Variants in IGDCC4 observed in about 807,000 individuals in gnomAD.
IGDCC4 encodes the protein likely ortholog of mouse neighbor of Punc E11.
Under a neutral mutation model 116.6 loss-of-function variants are expected in IGDCC4, and 72 were observed. The ratio of observed to expected loss-of-function variants is 0.62; its 90% CI spans 0.51 to 0.75. The LOEUF is 0.75. Among genes scored for constraint, IGDCC4 ranks in the 30% least tolerant of loss-of-function variants. The pLI, the probability that IGDCC4 is intolerant of heterozygous loss-of-function variation, is 0.00. For synonymous variants in IGDCC4, 709 were observed against 719.9 expected (o/e 0.98, Z 0.24); for missense variants, 1,501 against 1,662.4 (o/e 0.90, Z 1.69).
chr15:65,384,174 T>G lies in IGDCC4; in HGVS notation c.3588A>C (p.Arg1196Ser). 6.2e-7 allele frequency: 1 copy of G among 1,613,506 alleles called. No homozygotes were observed. The highest frequency in any genetic ancestry group is 1.1e-5 in the South Asian group (1 of 91,028). ...TGGCTGCCTCTGGCAAGCAGGTAAG[T>G]CTGTCTGGCCCGGGGGCTGCCAGCT... ...GCELAAPGPDRLTCLPEAASA... is the reference protein window; with the variant it reads ...GCELAAPGPDSLTCLPEAASA... Residue 1196 changes from arginine to serine, a missense_variant, in exon 20 of 20, where the codon AGA becomes AGC. This residue lies in a region of IGDCC4 where 368 missense variants were observed against 355.6 expected (regional missense o/e 1.03). Transcript: ENST00000352385. The surrounding 1 kb of genome is among the most constrained non-coding windows in gnomAD (Gnocchi z 4.9).
In IGDCC4 at chr15:65,392,147, CTCATACTGCT is replaced by C; in HGVS notation, c.2099_2108del (p.Lys700SerfsTer2). 1 of 1,610,144 alleles carries C rather than the reference CTCATACTGCT, an allele frequency of 6.2e-7. No individual in the cohort carries two copies. The highest frequency in any genetic ancestry group is 8.5e-7 in the Non-Finnish European group (1 of 1,178,136). On this transcript the variant is annotated frameshift_variant, in exon 11 of 20. Coordinates refer to ENST00000352385, the MANE Select transcript of IGDCC4 (RefSeq NM_020962.3). LOFTEE classifies it high-confidence loss of function. ...AGCCCTCCTCACCTAGCTGGGTCAG[CTCATACTGCT>C]TCACTTTCTTCTTGAGCCGGACAGG...
rs1245820199 is a variant in IGDCC4, at chr15:65,410,447, C to A, written c.422-128G>T. 9 of 1,064,112 alleles carry A rather than the reference C, an allele frequency of 8.5e-6. No homozygotes were observed. In the East Asian group the frequency reaches 1.8e-4, roughly 21 times the overall value. The allele number at this position is 1,064,112 out of a possible 1,614,324, so 65.9% of individuals were successfully genotyped here. On this transcript the variant is annotated intron_variant, in intron 2 of 19. Coordinates refer to ENST00000352385, the MANE Select transcript of IGDCC4 (RefSeq NM_020962.3). Reference sequence around the variant, plus strand: ...ACAGTCACAGAAACACACAGCAGAGCCAATTCAGACCGAGGGAGACACAAC... The same window carrying A: ...ACAGTCACAGAAACACACAGCAGAGACAATTCAGACCGAGGGAGACACAAC...
rs1172647887 is a variant in IGDCC4, at chr15:65,384,139, C to T, written c.3623G>A (p.Cys1208Tyr). The T allele has an allele frequency of 5.6e-6, 9 of 1,613,508 alleles. No homozygotes were observed. The highest frequency in any genetic ancestry group is 5.9e-6 in the Non-Finnish European group (7 of 1,179,828). Residue 1208 changes from cysteine (C) to tyrosine (Y), a missense_variant, in exon 20 of 20, where the codon TGC becomes TAC. Around this residue, in one of 3 missense-constraint regions of IGDCC4, gnomAD observed 368 missense variants for 355.6 expected, o/e 1.03. Transcript: ENST00000352385. The surrounding 1 kb of genome is among the most constrained non-coding windows in gnomAD (Gnocchi z 4.9). ...TCLPEAASAS[C>Y]SYPDLQPGEV... ...GCCTGGCTGGAGGTCCGGGTAGGAG[C>T]AGGAAGCACTGGCTGCCTCTGGCAA...
intron 3 of IGDCC4, among the ~76,000 whole-genome samples, chr15:65,406,220 AG>A (rs1210939187): frequency 2.6e-5 from 4 of 152,238 alleles, no homozygotes; most frequent in Admixed American, 1.3e-4. Context: ...ATTTATGGCA[AG>A]TGTTGCTGGT....
chr15:65,389,271 G>A lies in IGDCC4; in HGVS notation c.2536+13C>T. On this transcript the variant is annotated intron_variant, in intron 14 of 19. Coordinates refer to ENST00000352385, the MANE Select transcript of IGDCC4 (RefSeq NM_020962.3). ...AAAGATGGGTTGGTGGCAAGGGGCT[G>A]GGAGCCACTCACGGTCAGGCAGGGT... The A allele has an allele frequency of 6.2e-7, 1 of 1,611,354 alleles. No individual in the cohort carries two copies. The highest frequency in any genetic ancestry group is 1.7e-4 in the Middle Eastern group (1 of 5,770).
intron 1 of IGDCC4, among the ~76,000 whole-genome samples, chr15:65,415,944 C>T (rs940089176): frequency 6.6e-6 from 1 of 152,074 alleles, no homozygotes; most frequent in Non-Finnish European, 1.5e-5. Flanking sequence ...CAAGCCTGGC[C>T]TCAGAGTCCT....
intron 1 of IGDCC4, among the ~76,000 whole-genome samples, chr15:65,413,024 ATGTGTGTGTGTGTGTG>A (rs59690408): frequency 4.8e-5 from 7 of 145,966 alleles, no homozygotes; most frequent in Non-Finnish European, 1.1e-4. Context: ...GTGTGAGAAA[ATGTGTGTGTGTGTGTG>A]TGTGTGTGTG....
intron 5 of IGDCC4, among the ~76,000 whole-genome samples, chr15:65,399,327 G>A (rs953640318): frequency 1.4e-4 from 21 of 151,780 alleles, no homozygotes; most frequent in East Asian, 3.9e-4. Flanking sequence ...CAGGCATAGC[G>A]GCACATGCCT....
At chr15:65,395,605 C>A in intron 7 of IGDCC4, 145 bp downstream of exon 7, 1 of 848,158 alleles carries the variant, frequency 1.2e-6, no homozygotes, top group African/African-American at 1.7e-5. Context: ...CATACTTATG[C>A]GGGTCTCTCC....
At chr15:65,421,651 A>T (rs2063191683) in intron 1 of IGDCC4, among the ~76,000 whole-genome samples, 1 of 150,256 alleles carries the variant, frequency 6.7e-6, no homozygotes. Context: ...GGAAAGCCGC[A>T]GCAGCTGGAG....
At position 65,389,469 on chromosome 15, in the gene IGDCC4, C is replaced by A. The variant is rs979937728; in HGVS notation, c.2409-58G>T. The A allele has an allele frequency of 6.8e-6, 11 of 1,612,122 alleles. No homozygotes were observed. The Admixed American group carries it at 1.7e-4, about 24-fold the overall frequency. On this transcript the variant is annotated intron_variant, in intron 13 of 19. Transcript: ENST00000352385. The stretch of plus-strand genomic sequence containing the variant: ...AGGCACACTCTCCCAGCAGGGCAGA[C>A]TCCTCCAAATCTACTCCCCTGCAGT...
At chr15:65,402,273 C>G in intron 4 of IGDCC4, 78 bp downstream of exon 4, 1 of 1,492,348 alleles carries the variant, frequency 6.7e-7, no homozygotes. Context: ...AAGGCCTGGA[C>G]CCCTTGAGGT....
chr15:65,410,473 A>C (rs2063080712), intron 2 of IGDCC4, 154 bp from the exon 3 acceptor site: 9 of 839,412 alleles, frequency 1.1e-5, no homozygotes, highest in Non-Finnish European at 1.1e-5. Flanking sequence ...GAGACACAAC[A>C]AGAAGTGGTG....
At chr15:65,411,853 TA>T (rs1161858011) in intron 1 of IGDCC4, among the ~76,000 whole-genome samples, 1 of 152,220 alleles carries the variant, frequency 6.6e-6, no homozygotes, top group Non-Finnish European at 1.5e-5. Flanking sequence ...GAGTGACTGC[TA>T]ATGAGTACAG....
At position 65,384,327 on chromosome 15, in the gene IGDCC4, G is replaced by C; in HGVS notation, c.3435C>G (p.Asn1145Lys). The C allele has an allele frequency of 6.2e-7, 1 of 1,603,268 alleles. No homozygotes were observed. The highest frequency in any genetic ancestry group is 8.5e-7 in the Non-Finnish European group (1 of 1,174,828). ...VHSDFSASNG[N>K]PDLHLQDLEP... ...CCAGGTCTTGGAGATGGAGGTCAGG[G>C]TTCCCGTTAGATGCACTAAAGTCAG... Residue 1145 changes from asparagine (N) to lysine (K), a missense_variant, in exon 20 of 20, where the codon AAC becomes AAG. Asn to Lys is a moderately conservative substitution (Grantham distance 94, BLOSUM62 0). Coordinates refer to ENST00000352385, the MANE Select transcript of IGDCC4 (RefSeq NM_020962.3). This position sits in a 1 kb window ranked among gnomAD's most constrained non-coding sequence, Gnocchi z 4.9.
In IGDCC4 at chr15:65,393,629, C is replaced by T. The variant is rs1244565006; in HGVS notation, c.1715-98G>A. The T allele has an allele frequency of 1.4e-5, 19 of 1,317,388 alleles. No homozygotes were observed. Among genetic ancestry groups the T allele is most frequent in the Admixed American group, 1.1e-4 (5 of 45,714 alleles). 81.6% of individuals were successfully genotyped at this position (1,317,388 alleles called of 1,614,324 possible). On this transcript the variant is annotated intron_variant, in intron 9 of 19. Transcript: ENST00000352385. The surrounding 1 kb of genome is among the most constrained non-coding windows in gnomAD (Gnocchi z 4.6). ...CTTCCGCCTCACATCCCGGTTCCTC[C>T]GTGCCCGTGGGAGCCTGAGGCGTTC...
At chr15:65,385,674 G>C in intron 18 of IGDCC4, 157 bp downstream of exon 18, 1 of 723,968 alleles carries the variant, frequency 1.4e-6, no homozygotes. Context: ...GTGCTTCCCT[G>C]ACAGCCAACC....
intron 5 of IGDCC4, among the ~76,000 whole-genome samples, chr15:65,400,592 A>G (rs902564675): frequency 6.6e-6 from 1 of 152,196 alleles, no homozygotes; most frequent in Non-Finnish European, 1.5e-5. Context: ...GCTTTTGTAA[A>G]GCACATGCTA....
At chr15:65,401,585 G>C (rs989098700) in intron 4 of IGDCC4, among the ~76,000 whole-genome samples, 1 of 144,738 alleles carries the variant, frequency 6.9e-6, no homozygotes, top group Non-Finnish European at 1.6e-5. Flanking sequence ...GAACAGGATG[G>C]GGACGGGGTG....
Sources: allele counts gnomAD v4.1 joint callset (sites outside exome capture counted in the v4.1 genomes callset), GRCh38; gene constraint gnomAD v4.1.1; regional missense constraint gnomAD v4.1.1; non-coding constraint Gnocchi (gnomAD v3.1); transcripts MANE v1.5; gene names NCBI Gene and HGNC (gene_info 2026-07-23, HGNC 2026-07-21).